RALYL: variants seen among roughly 807,000 people sequenced by gnomAD.
RALYL encodes RALY RNA binding protein like.
A neutral mutation model predicts 35.1 loss-of-function variants in RALYL; 29 were observed. That is an observed-to-expected ratio of 0.83 (90% confidence interval 0.61 to 1.13). RALYL has a LOEUF of 1.13. RALYL is among the 50% of genes most tolerant of loss of function. The probability of loss-of-function intolerance (pLI) is 0.00; values close to 1 mark genes in which losing one functional copy is unlikely to be tolerated. For missense variants in RALYL, 359 were observed against 360.4 expected, an observed-to-expected ratio of 1.00 and a Z score of 0.03; for synonymous variants, 120 against 127.6, an observed-to-expected ratio of 0.94 and a Z score of 0.40.
chr8:84,588,208 G>A (rs1812418589), intron 2 of RALYL, among the ~76,000 whole-genome samples: 1 of 152,142 alleles, frequency 6.6e-6, no homozygotes, highest in Non-Finnish European at 1.5e-5. Flanking sequence ...GCCTTACCTA[G>A]GTTGTTAAAT....
intron 2 of RALYL, among the ~76,000 whole-genome samples, chr8:84,704,670 A>G (rs1462924363): frequency 6.6e-6 from 1 of 152,202 alleles, no homozygotes; most frequent in Non-Finnish European, 1.5e-5. Flanking sequence ...CTAAAGCAAG[A>G]TATAACCATA....
chr8:84,450,099 A>C (rs531728255), intron 1 of RALYL, among the ~76,000 whole-genome samples: 1 of 151,982 alleles, frequency 6.6e-6, no homozygotes, highest in South Asian at 2.1e-4. Flanking sequence ...TAATTTTTAC[A>C]TATAATTAAA....
chr8:84,323,634 G>T (rs558802681), intron 1 of RALYL, among the ~76,000 whole-genome samples: 2 of 152,158 alleles, frequency 1.3e-5, no homozygotes, highest in East Asian at 3.9e-4. Context: ...CAGCACATCA[G>T]TAGGTAAAGG....
intron 1 of RALYL, among the ~76,000 whole-genome samples, chr8:84,204,006 T>G (rs1265543042): frequency 2.0e-5 from 3 of 152,190 alleles, no homozygotes; most frequent in Non-Finnish European, 4.4e-5. Flanking sequence ...TGTGTGTATG[T>G]GTAATGTATA....
intron 1 of RALYL, among the ~76,000 whole-genome samples, chr8:84,320,635 T>C (rs1376083678): frequency 6.6e-6 from 1 of 152,116 alleles, no homozygotes; most frequent in Non-Finnish European, 1.5e-5. Flanking sequence ...TATTTATTCA[T>C]TCATGAAGCA....
chr8:84,846,700 T>A (rs1311878885), intron 4 of RALYL, among the ~76,000 whole-genome samples: 1 of 152,232 alleles, frequency 6.6e-6, no homozygotes, highest in Non-Finnish European at 1.5e-5. Context: ...AACTTGTTAC[T>A]GGTCTGTTCA....
intron 1 of RALYL, among the ~76,000 whole-genome samples, chr8:84,481,896 A>T (rs769873490): frequency 5.9e-5 from 9 of 152,194 alleles, no homozygotes; most frequent in Non-Finnish European, 1.2e-4. Context: ...GCTGTGGTAT[A>T]GATATATACA....
intron 4 of RALYL, among the ~76,000 whole-genome samples, chr8:84,807,968 C>T (rs1160661173): frequency 6.6e-6 from 1 of 152,170 alleles, no homozygotes; most frequent in Non-Finnish European, 1.5e-5. Flanking sequence ...TGTGGGTTGT[C>T]TGTTCACTCT....
At chr8:84,600,260 C>T (rs143760967) in intron 2 of RALYL, among the ~76,000 whole-genome samples, 350 of 152,082 alleles carry the variant, frequency 2.3e-3, no homozygotes, top group African/African-American at 5.2e-3. Flanking sequence ...CATCAAATAT[C>T]GTCCTTTTCT....
chr8:84,541,093 T>C (rs1201621672), intron 2 of RALYL, among the ~76,000 whole-genome samples: 2 of 151,940 alleles, frequency 1.3e-5, no homozygotes, highest in Non-Finnish European at 2.9e-5. Flanking sequence ...GCATGTTTGT[T>C]TTTGCTTCAT....
rs73304364 is a variant in RALYL at position 84,412,283 on chromosome 8, C to T, written c.-23-117016C>T. 9.0e-3 allele frequency among the ~76,000 whole-genome samples: 1,375 copies of T among 151,944 alleles called. 32 individuals are homozygous for T. Among genetic ancestry groups the T allele is most frequent in the African/African-American group, 0.031 (1,280 of 41,512 alleles). On this transcript the variant is annotated intron_variant, in intron 1 of 8. Transcript: ENST00000521268. ...ATGTTATCAAATTTGGAAAATCAGG[C>T]AAGCTGAGATTCTTAGAGTTTGTAG...
At chr8:84,815,191 T>A (rs1334547129) in intron 4 of RALYL, among the ~76,000 whole-genome samples, 7 of 152,212 alleles carry the variant, frequency 4.6e-5, no homozygotes, top group Non-Finnish European at 1.0e-4. Context: ...CCAGGATAGA[T>A]GCAAAGAGCC....
chr8:84,898,733 G>A (rs556827443), intron 8 of RALYL, among the ~76,000 whole-genome samples: 4 of 152,286 alleles, frequency 2.6e-5, no homozygotes, highest in African/African-American at 7.2e-5. Context: ...AAGGGTAAGG[G>A]TGAGGGTCAG....
intron 1 of RALYL, among the ~76,000 whole-genome samples, chr8:84,460,006 A>G (rs2133364913): frequency 6.6e-6 from 1 of 151,906 alleles, no homozygotes; most frequent in South Asian, 2.1e-4. Flanking sequence ...AACAGGAACA[A>G]GGTTTAAAGA....
intron 1 of RALYL, among the ~76,000 whole-genome samples, chr8:84,234,594 T>C (rs927801119): frequency 3.9e-5 from 6 of 152,164 alleles, no homozygotes; most frequent in African/African-American, 1.4e-4. Context: ...AGTTTCCTTC[T>C]CTGGAAAGTG....
At chr8:84,669,488 C>T (rs1367352635) in intron 2 of RALYL, among the ~76,000 whole-genome samples, 2 of 8,764 alleles carry the variant, frequency 2.3e-4, no homozygotes, top group Non-Finnish European at 4.8e-4. Context: ...CCTCCCCCCT[C>T]CCCCCCCCCC....
chr8:84,462,377 CT>C (rs1011267981), intron 1 of RALYL, among the ~76,000 whole-genome samples: 15 of 151,034 alleles, frequency 9.9e-5, no homozygotes, highest in South Asian at 2.1e-4. Context: ...GTTTTCGTTT[CT>C]TCCTAATCTG....
At chr8:84,829,391 A>G (rs115451462) in intron 4 of RALYL, 1 of 154,130 alleles carries the variant, frequency 6.5e-6, no homozygotes, top group African/African-American at 2.4e-5. Context: ...TGTGTTGGTG[A>G]AATAACTGGA....
chr8:84,223,663 C>T (rs568922505), intron 1 of RALYL, among the ~76,000 whole-genome samples: 5 of 152,078 alleles, frequency 3.3e-5, no homozygotes, highest in Non-Finnish European at 7.4e-5. Context: ...TTTGAGATTC[C>T]AGGTTGTAAT....
Sources: gnomAD v4.1 joint callset for allele counts (sites outside exome capture counted in the v4.1 genomes callset) on GRCh38, gnomAD v4.1.1 for gene constraint, MANE v1.5 for transcripts, NCBI Gene and HGNC (gene_info 2026-07-23, HGNC 2026-07-21) for gene names.